UGDH: variants seen among roughly 807,000 people sequenced by gnomAD.
UGDH encodes the protein UDP-glucose 6-dehydrogenase, also known as UDP-Glc dehydrogenase.
A neutral mutation model predicts 50.6 loss-of-function variants in UGDH; 38 were observed. The ratio of observed to expected loss-of-function variants is 0.75; its 90% CI spans 0.58 to 0.98. The LOEUF (loss-of-function observed/expected upper bound fraction) is 0.98, where lower values mean the gene tolerates loss of function less well. Among genes scored for constraint, UGDH ranks in the 50% least tolerant of loss-of-function variants. The pLI, the probability that UGDH is intolerant of heterozygous loss-of-function variation, is 0.00. For synonymous variants in UGDH, 168 were observed against 199.9 expected (o/e 0.84, Z 1.35); for missense variants, 465 against 606.2 (o/e 0.77, Z 2.45).
At chr4:39,513,325 T>A (rs11941220) in intron 3 of UGDH, among the ~76,000 whole-genome samples, 32,046 of 151,988 alleles carry the variant, frequency 0.21, 5,198 homozygotes, top group African/African-American at 0.43. Context: ...GGTAAAGGTG[T>A]CTGTTGGTTA....
In UGDH at chr4:39,527,305, G is replaced by A; in HGVS notation, c.-30C>T. ...TACCCACTTCCCAGCAGCAAGCGCA[G>A]GGACCGCTCCTATCCCGATCGTTCG... is the stretch of plus-strand genomic sequence containing the variant. On this transcript the variant is annotated 5_prime_UTR_variant, in exon 1 of 12. Coordinates refer to ENST00000316423, the MANE Select transcript of UGDH (RefSeq NM_003359.4). 2.7e-6 allele frequency: 1 copy of A among 369,226 alleles called. No individual in the cohort carries two copies. The highest frequency in any genetic ancestry group is 2.1e-5 in the South Asian group (1 of 48,140). The allele number at this position is 369,226 out of a possible 1,614,324, so 22.9% of individuals were successfully genotyped here. A position where few individuals can be genotyped will look rare whatever the true frequency, so the allele number is the denominator to read the frequency against.
chr4:39,525,506 C>T (rs111326000), intron 1 of UGDH, among the ~76,000 whole-genome samples: 25 of 49,074 alleles, frequency 5.1e-4, no homozygotes, highest in African/African-American at 1.9e-3. Flanking sequence ...ATTTTCTTTT[C>T]TTTTTCTTTT....
chr4:39,520,431 T>C (rs1746600362), intron 2 of UGDH, among the ~76,000 whole-genome samples: 1 of 152,122 alleles, frequency 6.6e-6, no homozygotes, highest in Non-Finnish European at 1.5e-5. Flanking sequence ...AATTTGCAAA[T>C]GCTTTTCTGT....
At chr4:39,513,204 A>C in intron 3 of UGDH, among the ~76,000 whole-genome samples, 1 of 152,178 alleles carries the variant, frequency 6.6e-6, no homozygotes, top group Admixed American at 6.6e-5. Context: ...GGTTACTAGG[A>C]CAGCAAGATG....
intron 2 of UGDH, among the ~76,000 whole-genome samples, chr4:39,517,753 A>AT (rs145768170): frequency 0.014 from 2,195 of 152,216 alleles, 38 homozygotes; most frequent in African/African-American, 0.05. Context: ...TAGTTTGCCT[A>AT]TTTTTGAAAC....
chr4:39,500,028 A>AG lies in UGDH; in HGVS notation c.*114_*115insC. The AG allele has an allele frequency of 6.2e-6, 3 of 483,198 alleles. 1 individual carries two copies. The South Asian group carries it at 1.0e-4, about 17-fold the overall frequency. 29.9% of individuals were successfully genotyped at this position (483,198 alleles called of 1,614,324 possible). A position where few individuals can be genotyped will look rare whatever the true frequency, so the allele number is the denominator to read the frequency against. ...CTGGGCAACAGTGAGACTCTGTCTC[A>AG]AAAAAAAAACAAAAAAAAACACTTG... On this transcript the variant is annotated 3_prime_UTR_variant, in exon 12 of 12. Coordinates refer to ENST00000316423, the MANE Select transcript of UGDH (RefSeq NM_003359.4).
intron 9 of UGDH, 98 bp from the exon 10 acceptor site, chr4:39,504,606 C>A (rs1745958415): frequency 1.9e-6 from 2 of 1,032,822 alleles, no homozygotes; most frequent in East Asian, 5.2e-5. Flanking sequence ...TTCCAAGACC[C>A]CCAGTAGATG....
At chr4:39,511,891 CG>C in intron 3 of UGDH, among the ~76,000 whole-genome samples, 1 of 151,574 alleles carries the variant, frequency 6.6e-6, no homozygotes, top group African/African-American at 2.4e-5. Context: ...TATTTTTAGA[CG>C]GGGTTTCACC....
chr4:39,527,253 C>G, intron 1 of UGDH, 30 bp downstream of exon 1: 1 of 621,776 alleles, frequency 1.6e-6, no homozygotes, highest in East Asian at 6.8e-5. Context: ...CCCGCCCGGG[C>G]GGCGGGGCCA....
At chr4:39,525,247 G>A (rs1746826347) in intron 1 of UGDH, among the ~76,000 whole-genome samples, 1 of 152,186 alleles carries the variant, frequency 6.6e-6, no homozygotes, top group Non-Finnish European at 1.5e-5. Flanking sequence ...AGGCTGGAGT[G>A]CAGTGGCACC....
chr4:39,503,514 TTTAGGGAGG>T, intron 11 of UGDH, among the ~76,000 whole-genome samples: 1 of 152,204 alleles, frequency 6.6e-6, no homozygotes, highest in African/African-American at 2.4e-5. Context: ...AGATCGCAAA[TTTAGGGAGG>T]AAGTAGAGAA....
intron 2 of UGDH, among the ~76,000 whole-genome samples, chr4:39,519,315 T>C (rs770425677): frequency 9.9e-5 from 15 of 151,730 alleles, no homozygotes; most frequent in Non-Finnish European, 2.1e-4. Context: ...CTCAGCCTCC[T>C]GAGTAGCCAG....
intron 1 of UGDH, among the ~76,000 whole-genome samples, chr4:39,521,870 A>G (rs1439911621): frequency 6.6e-6 from 1 of 152,258 alleles, no homozygotes; most frequent in Non-Finnish European, 1.5e-5. Context: ...TTGATTGCTG[A>G]GAGAAAGCTC....
At chr4:39,523,928 C>T (rs578244311) in intron 1 of UGDH, among the ~76,000 whole-genome samples, 22 of 152,264 alleles carry the variant, frequency 1.4e-4, no homozygotes, top group African/African-American at 5.3e-4. Context: ...CTTTGCTATC[C>T]CCTACTTTGC....
Position 39,499,873 on chromosome 4 carries a change from A to C in UGDH, c.*270T>G. 1 of 238,468 alleles carries C rather than the reference A, an allele frequency of 4.2e-6. No individual in the cohort carries two copies. Among genetic ancestry groups the C allele is most frequent in the Non-Finnish European group, 8.2e-6 (1 of 121,698 alleles). 14.8% of individuals were successfully genotyped at this position (238,468 alleles called of 1,614,324 possible). On this transcript the variant is annotated 3_prime_UTR_variant, in exon 12 of 12. Transcript: ENST00000316423. The stretch of plus-strand genomic sequence containing the variant: ...GTGAAACCCTGTCTCTACTAAAAAT[A>C]CAAAAAATTAGCCAGGCACTGTGGC...
At chr4:39,512,201 C>G (rs1227322983) in intron 3 of UGDH, among the ~76,000 whole-genome samples, 1 of 151,948 alleles carries the variant, frequency 6.6e-6, no homozygotes, top group African/African-American at 2.4e-5. Context: ...TGAAAGTGCT[C>G]TGAAAAGTCT....
chr4:39,514,758 C>A (rs897443427), intron 2 of UGDH, among the ~76,000 whole-genome samples: 6 of 151,974 alleles, frequency 3.9e-5, no homozygotes, highest in African/African-American at 1.5e-4. Flanking sequence ...TCTCGGCTCA[C>A]TGCGACTTCC....
intron 7 of UGDH, among the ~76,000 whole-genome samples, chr4:39,506,108 G>A (rs1024280077): frequency 3.3e-5 from 5 of 151,854 alleles, no homozygotes; most frequent in Non-Finnish European, 7.4e-5. Flanking sequence ...GCATGTGCCT[G>A]TAGTCCCAGC....
intron 11 of UGDH, among the ~76,000 whole-genome samples, chr4:39,500,704 T>C (rs1560683705): frequency 6.7e-6 from 1 of 149,794 alleles, no homozygotes; most frequent in Non-Finnish European, 1.5e-5. Flanking sequence ...TCGCCTAGGC[T>C]GGAGTGCAGT....
Sources: gnomAD v4.1 joint callset for allele counts (sites outside exome capture counted in the v4.1 genomes callset) on GRCh38, gnomAD v4.1.1 for gene constraint, MANE v1.5 for transcripts, NCBI Gene and HGNC (gene_info 2026-07-23, HGNC 2026-07-21) for gene names.